The following TTC6 variants were observed in gnomAD, a reference collection of about 807,000 sequenced individuals.
TTC6 encodes tetratricopeptide repeat protein 6.
In TTC6, 172 loss-of-function variants were observed where a neutral mutation model predicts 210.4. The observed-to-expected ratio is 0.82, with a 90% confidence interval of 0.72 to 0.93. The LOEUF (loss-of-function observed/expected upper bound fraction) is 0.93. TTC6 is among the 40% of genes least tolerant of loss of function. TTC6 has a pLI of 0.00. For missense variants in TTC6, 2,414 were observed against 2,318.1 expected (o/e 1.04, Z -0.85); for synonymous variants, 804 against 819.6 (o/e 0.98, Z 0.32).
chr14:37,622,072 C>T (rs1348217460), exon 1 of TTC6: 1 of 1,524,454 alleles, frequency 6.6e-7, no homozygotes, highest in Admixed American at 2.0e-5. Flanking sequence ...AAGATGTCCA[C>T]AATCCCGAGA....
At chr14:37,642,504 C>G (rs900311064) in intron 1 of TTC6, among the ~76,000 whole-genome samples, 3 of 152,160 alleles carry the variant, frequency 2.0e-5, no homozygotes, top group African/African-American at 7.2e-5. Flanking sequence ...AACAGACTGA[C>G]CTGCTTTTAC....
At chr14:37,813,819 C>T (rs1045575808) in intron 25 of TTC6, among the ~76,000 whole-genome samples, 5 of 152,158 alleles carry the variant, frequency 3.3e-5, no homozygotes, top group African/African-American at 1.2e-4. Flanking sequence ...CCACATCTGA[C>T]CCATTAGCAA....
chr14:37,661,891 T>C (rs554243800), intron 1 of TTC6, among the ~76,000 whole-genome samples: 47 of 152,312 alleles, frequency 3.1e-4, no homozygotes, highest in African/African-American at 1.1e-3. Context: ...ACTTCCCTTG[T>C]TAGCTGTATT....
chr14:37,698,396 A>G (rs1440808767), intron 4 of TTC6, among the ~76,000 whole-genome samples: 1 of 152,190 alleles, frequency 6.6e-6, no homozygotes, highest in Non-Finnish European at 1.5e-5. Context: ...AAGAAAATAT[A>G]AAAATCAGTA....
intron 3 of TTC6, among the ~76,000 whole-genome samples, chr14:37,690,867 A>G (rs187993699): frequency 6.6e-6 from 1 of 152,338 alleles, no homozygotes; most frequent in East Asian, 1.9e-4. Flanking sequence ...CTATAGAGCA[A>G]TGGATCTAAT....
chr14:37,742,395 T>C (rs2095922964), intron 10 of TTC6, among the ~76,000 whole-genome samples: 1 of 146,260 alleles, frequency 6.8e-6, no homozygotes, highest in Non-Finnish European at 1.5e-5. Flanking sequence ...TTTGGTTTTG[T>C]TTTGTTTTTT....
intron 4 of TTC6, 118 bp downstream of exon 6, chr14:37,696,953 C>T (rs2095816019): frequency 4.5e-6 from 2 of 448,558 alleles, no homozygotes; most frequent in Middle Eastern, 5.9e-4. Context: ...ATATATGAGA[C>T]CTAAGTTAAA....
intron 17 of TTC6, among the ~76,000 whole-genome samples, chr14:37,794,992 G>C (rs899077875): frequency 6.6e-6 from 1 of 152,086 alleles, no homozygotes; most frequent in African/African-American, 2.4e-5. Flanking sequence ...ACACAATCCA[G>C]AATGTATTAT....
chr14:37,622,882 T>A (rs540857015), exon 1 of TTC6: 465 of 1,534,876 alleles, frequency 3.0e-4, no homozygotes, highest in Non-Finnish European at 3.8e-4. Context: ...TCCCGCGTGA[T>A]CCCCACGTCC....
chr14:37,835,345 T>C (rs537367588), intron 29 of TTC6, among the ~76,000 whole-genome samples: 26 of 152,156 alleles, frequency 1.7e-4, no homozygotes, highest in Non-Finnish European at 3.1e-4. Flanking sequence ...TGTGTGTGTG[T>C]CTTTAAGATG....
At chr14:37,768,152 T>C (rs2096005398) in intron 14 of TTC6, among the ~76,000 whole-genome samples, 1 of 150,390 alleles carries the variant, frequency 6.6e-6, no homozygotes, top group Admixed American at 6.6e-5. Flanking sequence ...TCTGTTCCAT[T>C]GATCTATATC....
At chr14:37,687,678 G>A (rs1397936954) in intron 3 of TTC6, among the ~76,000 whole-genome samples, 1 of 152,152 alleles carries the variant, frequency 6.6e-6, no homozygotes, top group Non-Finnish European at 1.5e-5. Context: ...TCAGTGTCAT[G>A]AGGCCCTAGC....
intron 29 of TTC6, among the ~76,000 whole-genome samples, chr14:37,830,703 T>C (rs1360902824): frequency 6.6e-6 from 1 of 151,804 alleles, no homozygotes; most frequent in Non-Finnish European, 1.5e-5. Flanking sequence ...TCTGATTCAT[T>C]TTTTCTTGAT....
intron 2 of TTC6, among the ~76,000 whole-genome samples, chr14:37,681,048 G>A (rs34304321): frequency 0.057 from 8,691 of 152,104 alleles, 381 homozygotes; most frequent in Non-Finnish European, 0.089. Context: ...AGATGCTTTG[G>A]GCCCATATAT....
At chr14:37,739,130 T>C (rs1211115290) in exon 10 of TTC6, 1 of 1,511,106 alleles carries the variant, frequency 6.6e-7, no homozygotes, top group Non-Finnish European at 8.8e-7. Flanking sequence ...TGAAGAGTTA[T>C]CCAAGCCTCC....
At chr14:37,708,661 A>G (rs2095839681) in intron 5 of TTC6, among the ~76,000 whole-genome samples, 1 of 152,092 alleles carries the variant, frequency 6.6e-6, no homozygotes, top group Admixed American at 6.6e-5. Flanking sequence ...AAGAATGTGA[A>G]GAGGCTTAGT....
intron 5 of TTC6, among the ~76,000 whole-genome samples, chr14:37,709,884 A>G (rs1194034875): frequency 6.6e-6 from 1 of 152,170 alleles, no homozygotes; most frequent in African/African-American, 2.4e-5. Flanking sequence ...CAAGAAGATG[A>G]AAACCTAAAG....
chr14:37,711,600 A>G (rs993350432), intron 5 of TTC6, among the ~76,000 whole-genome samples: 2 of 152,054 alleles, frequency 1.3e-5, no homozygotes, highest in African/African-American at 4.8e-5. Flanking sequence ...CTTGGGTGGA[A>G]GGTTGGGGGA....
chr14:37,747,299 G>A (rs994312452), intron 10 of TTC6, among the ~76,000 whole-genome samples: 2 of 152,114 alleles, frequency 1.3e-5, no homozygotes, highest in Admixed American at 1.3e-4. Flanking sequence ...CTTTGTCAGT[G>A]AACATCCCAA....
Sources: gnomAD v4.1 joint callset for allele counts (sites outside exome capture counted in the v4.1 genomes callset) on GRCh38, gnomAD v4.1.1 for gene constraint, MANE v1.5 for transcripts, NCBI Gene and HGNC (gene_info 2026-07-23, HGNC 2026-07-21) for gene names.